TRDN: variants seen among roughly 807,000 people sequenced by gnomAD.
The protein encoded by TRDN is triadin, also known as triadin in skeletal muscle.
TRDN carries 161 observed loss-of-function variants against 149.7 expected under a neutral mutation model. That is an observed-to-expected ratio of 1.08 (90% confidence interval 0.95 to 1.23). The LOEUF is 1.23. Ranked by LOEUF, TRDN falls within the 50% of genes most tolerant of loss-of-function variation. The probability of loss-of-function intolerance (pLI) is 0.00; values close to 1 mark genes in which losing one functional copy is unlikely to be tolerated. For missense variants in TRDN, 896 were observed against 823.5 expected, an observed-to-expected ratio of 1.09 and a Z score of -1.08; for synonymous variants, 294 against 250.5, an observed-to-expected ratio of 1.17 and a Z score of -1.64.
chr6:123,403,684 C>T (rs1424615249), intron 12 of TRDN, among the ~76,000 whole-genome samples: 1 of 152,038 alleles, frequency 6.6e-6, no homozygotes, highest in Non-Finnish European at 1.5e-5. Context: ...ACAGCTGTTT[C>T]CTAGAAGGAC....
rs149312247 is a variant in TRDN, at chr6:123,348,037, G to A, written c.1369+4502C>T. Among the ~76,000 whole-genome samples, 266 of 152,172 alleles carry A rather than the reference G, an allele frequency of 1.7e-3. 5 individuals are homozygous for A. In the East Asian group the frequency reaches 0.039, roughly 22 times the overall value. On this transcript the variant is annotated intron_variant, in intron 21 of 40. Coordinates refer to ENST00000334268, the MANE Select transcript of TRDN (RefSeq NM_006073.4). ...GGAATGCAATGTAAAGTCTTGAAAT[G>A]AGAATGCAGATTCTCTGTCTGGGAA... is the stretch of plus-strand genomic sequence containing the variant.
chr6:123,572,086 T>G (rs1782609553), intron 1 of TRDN, among the ~76,000 whole-genome samples: 1 of 152,124 alleles, frequency 6.6e-6, no homozygotes, highest in Admixed American at 6.6e-5. Flanking sequence ...ATGCCAGTAG[T>G]TTTGTTACCT....
At chr6:123,474,976 C>A (rs977400612) in intron 9 of TRDN, among the ~76,000 whole-genome samples, 2 of 151,646 alleles carry the variant, frequency 1.3e-5, no homozygotes, top group South Asian at 2.1e-4. Flanking sequence ...AAATTGACAC[C>A]CTAACATCAC....
At chr6:123,392,840 T>G (rs1772547522) in intron 13 of TRDN, among the ~76,000 whole-genome samples, 1 of 152,064 alleles carries the variant, frequency 6.6e-6, no homozygotes, top group Non-Finnish European at 1.5e-5. Context: ...ATACATCATG[T>G]GATGTGCTAA....
At chr6:123,555,095 A>G (rs1283687799) in intron 2 of TRDN, among the ~76,000 whole-genome samples, 3 of 152,146 alleles carry the variant, frequency 2.0e-5, no homozygotes, top group Non-Finnish European at 4.4e-5. Flanking sequence ...GTGCTTATAC[A>G]TTCACAGTGA....
intron 38 of TRDN, among the ~76,000 whole-genome samples, chr6:123,250,789 T>C (rs998093470): frequency 6.6e-6 from 1 of 152,132 alleles, no homozygotes; most frequent in Non-Finnish European, 1.5e-5. Flanking sequence ...CTTGACTTTT[T>C]ACTTCCTTCT....
chr6:123,465,239 A>G (rs1036900697), intron 9 of TRDN, among the ~76,000 whole-genome samples: 2 of 152,172 alleles, frequency 1.3e-5, no homozygotes, highest in African/African-American at 4.8e-5. Context: ...AAATATATCT[A>G]CTGGACTTCA....
intron 1 of TRDN, among the ~76,000 whole-genome samples, chr6:123,635,057 G>A (rs970032047): frequency 1.1e-4 from 17 of 151,840 alleles, no homozygotes; most frequent in African/African-American, 2.9e-4. Context: ...GCCCAAGATG[G>A]TTTAGTCAAC....
At chr6:123,295,773 G>A (rs1778169871) in intron 24 of TRDN, among the ~76,000 whole-genome samples, 2 of 151,950 alleles carry the variant, frequency 1.3e-5, no homozygotes, top group Non-Finnish European at 2.9e-5. Flanking sequence ...AGACCGACCT[G>A]GCCAACACAG....
chr6:123,558,516 T>A (rs1164964997), intron 2 of TRDN, among the ~76,000 whole-genome samples: 1 of 152,154 alleles, frequency 6.6e-6, no homozygotes. Flanking sequence ...TCAGTCAGCA[T>A]TTACACTCTT....
At chr6:123,423,433 G>C (rs953432092) in intron 12 of TRDN, among the ~76,000 whole-genome samples, 3 of 152,106 alleles carry the variant, frequency 2.0e-5, no homozygotes, top group Non-Finnish European at 4.4e-5. Flanking sequence ...TATCAGAGAA[G>C]TTATTTTCCT....
chr6:123,446,183 C>A (rs2114630767), intron 10 of TRDN, among the ~76,000 whole-genome samples: 1 of 145,594 alleles, frequency 6.9e-6, no homozygotes, highest in African/African-American at 2.6e-5. Context: ...GGGAATTGAA[C>A]AATGAGATCA....
rs1324704915 is a variant in TRDN, at chr6:123,451,508, G to T, written c.932-12505C>A. Among the ~76,000 whole-genome samples the T allele has an allele frequency of 1.3e-5, 2 of 152,012 alleles. 1 individual carries two copies. Among genetic ancestry groups the T allele is most frequent in the East Asian group, 3.9e-4 (2 of 5,188 alleles). ...ATAAACTAAAAACCTAGAAGAGATG[G>T]ATAAATTCCTAGAAAAATACATCCC... On this transcript the variant is annotated intron_variant, in intron 10 of 40. Coordinates refer to ENST00000334268, the MANE Select transcript of TRDN (RefSeq NM_006073.4).
intron 32 of TRDN, 65 bp downstream of exon 32, chr6:123,267,642 T>C: frequency 8.4e-7 from 1 of 1,190,170 alleles, no homozygotes; most frequent in South Asian, 1.6e-5. Context: ...TGCATTACTT[T>C]AATTTTTGAA....
chr6:123,274,728 T>G, intron 26 of TRDN, 58 bp from the exon 27 acceptor site: 1 of 1,460,658 alleles, frequency 6.8e-7, no homozygotes, highest in South Asian at 1.2e-5. Context: ...AGAATGAAAA[T>G]TAATTTTTAG....
In TRDN at chr6:123,287,546, T is replaced by C. The variant is rs900218071; in HGVS notation, c.1511-8464A>G. ...AAGGAATGGCTGTTTGTCACAATTC[T>C]GAGTCCCACGTAATTGTATATATTA... On this transcript the variant is annotated intron_variant, in intron 24 of 40. Transcript: ENST00000334268. 4.6e-4 allele frequency among the ~76,000 whole-genome samples: 70 copies of C among 152,178 alleles called. 1 individual carries two copies. The highest frequency in any genetic ancestry group is 4.5e-3 in the Admixed American group (68 of 15,252).
intron 12 of TRDN, among the ~76,000 whole-genome samples, chr6:123,395,407 C>T (rs1194583364): frequency 6.6e-6 from 1 of 152,056 alleles, no homozygotes; most frequent in African/African-American, 2.4e-5. Context: ...AGAAACATGC[C>T]CCTGAGTGCT....
intron 13 of TRDN, among the ~76,000 whole-genome samples, chr6:123,393,213 T>C (rs985294492): frequency 6.6e-6 from 1 of 152,120 alleles, no homozygotes; most frequent in African/African-American, 2.4e-5. Context: ...TTGATGTTTA[T>C]GAAGTAATAT....
chr6:123,257,869 C>G (rs1051192188), intron 35 of TRDN, among the ~76,000 whole-genome samples: 1 of 151,972 alleles, frequency 6.6e-6, no homozygotes, highest in African/African-American at 2.4e-5. Flanking sequence ...AAGTTGTATT[C>G]CTAGGTATTT....
Sources: allele counts gnomAD v4.1 joint callset (sites outside exome capture counted in the v4.1 genomes callset), GRCh38; gene constraint gnomAD v4.1.1; transcripts MANE v1.5; gene names NCBI Gene and HGNC (gene_info 2026-07-23, HGNC 2026-07-21).